Variants in ATXN2 observed in about 807,000 individuals in gnomAD.
ATXN2 encodes the protein ataxin-2.
ATXN2 carries 37 observed loss-of-function variants against 138.6 expected under a neutral mutation model. The observed-to-expected ratio is 0.27, with a 90% CI of 0.21 to 0.35. The LOEUF (loss-of-function observed/expected upper bound fraction) is 0.35. ATXN2 is among the 10% of genes least tolerant of loss of function. ATXN2 has a pLI of 1.00. For synonymous variants in ATXN2, 549 were observed against 543.7 expected (o/e 1.01, Z -0.13); for missense variants, 1,216 against 1,480.3 (o/e 0.82, Z 2.93).
At chr12:111,562,720 C>CAAAAAAAA (rs34625134) in intron 1 of ATXN2, among the ~76,000 whole-genome samples, 3 of 55,976 alleles carry the variant, frequency 5.4e-5, no homozygotes, top group African/African-American at 1.6e-4. Context: ...AACTCCATCT[C>CAAAAAAAA]AAAAAAAAAA....
intron 17 of ATXN2, 142 bp from the exon 18 acceptor site, chr12:111,485,473 T>C: frequency 2.1e-6 from 2 of 952,402 alleles, no homozygotes; most frequent in East Asian, 2.5e-5. Flanking sequence ...AATTAGATCA[T>C]ACCCACAGCT....
chr12:111,551,759 C>T (rs1350063571), intron 5 of ATXN2, among the ~76,000 whole-genome samples: 2 of 152,182 alleles, frequency 1.3e-5, no homozygotes, highest in African/African-American at 4.8e-5. Flanking sequence ...TAAGAGATCA[C>T]AAAAACTCTA....
chr12:111,584,377 C>CAAAAAAAAAAAAAAAAAAAAA (rs58678794), intron 1 of ATXN2, among the ~76,000 whole-genome samples: 1 of 44,734 alleles, frequency 2.2e-5, no homozygotes, highest in African/African-American at 7.2e-5. Flanking sequence ...GACCCTGTCT[C>CAAAAAAAAAAAAAAAAAAAAA]AAAAAAAAAA....
chr12:111,514,043 A>C (rs1039750222), intron 10 of ATXN2, among the ~76,000 whole-genome samples: 3 of 152,152 alleles, frequency 2.0e-5, no homozygotes, highest in African/African-American at 7.2e-5. Context: ...GATACCACTA[A>C]AACATATGTA....
chr12:111,515,287 C>T (rs1879793179), intron 10 of ATXN2, among the ~76,000 whole-genome samples: 1 of 152,122 alleles, frequency 6.6e-6, no homozygotes, highest in Non-Finnish European at 1.5e-5. Context: ...TTTTAATGAA[C>T]AAATCAGATT....
Position 111,554,225 on chromosome 12 carries a change from A to AT in ATXN2, c.289-9dup. On this transcript the variant is annotated splice_polypyrimidine_tract_variant and intron_variant, in intron 2 of 24. Transcript: ENST00000673436. ...GATTCCATCAAAAGAAATCTGGAAT[A>AT]TTAAAAAAAAAAAAAACTATTAGAA... is the stretch of plus-strand genomic sequence containing the variant. 1 of 1,353,246 alleles carries AT rather than the reference A, an allele frequency of 7.4e-7. No homozygotes were observed. The allele number at this position is 1,353,246 out of a possible 1,614,324, so 83.8% of individuals were successfully genotyped here.
At chr12:111,517,505 T>C (rs1879920353) in intron 9 of ATXN2, among the ~76,000 whole-genome samples, 2 of 152,192 alleles carry the variant, frequency 1.3e-5, no homozygotes, top group South Asian at 4.1e-4. Flanking sequence ...CCCACAAAGT[T>C]AGTAACATAC....
intron 1 of ATXN2, among the ~76,000 whole-genome samples, chr12:111,580,657 G>C (rs534119132): frequency 8.4e-6 from 1 of 119,508 alleles, no homozygotes; most frequent in East Asian, 3.1e-4. Context: ...AGGGGAGGGG[G>C]AGAGAGAAGG....
At chr12:111,596,264 A>G (rs1184687786) in intron 1 of ATXN2, among the ~76,000 whole-genome samples, 1 of 151,220 alleles carries the variant, frequency 6.6e-6, no homozygotes, top group Non-Finnish European at 1.5e-5. Context: ...ATTACAGTAA[A>G]ATTATGTTCT....
At chr12:111,576,866 G>T (rs569581081) in intron 1 of ATXN2, among the ~76,000 whole-genome samples, 1 of 151,890 alleles carries the variant, frequency 6.6e-6, no homozygotes, top group Non-Finnish European at 1.5e-5. Context: ...GCTGAGGCAG[G>T]AGAATGGCAT....
At chr12:111,589,910 A>C (rs529648493) in intron 1 of ATXN2, among the ~76,000 whole-genome samples, 1 of 151,642 alleles carries the variant, frequency 6.6e-6, no homozygotes, top group East Asian at 2.0e-4. Context: ...CAGAGCTAGA[A>C]CCTGTCTCAA....
At chr12:111,522,857 T>C (rs1366371435) in intron 6 of ATXN2, among the ~76,000 whole-genome samples, 1 of 151,928 alleles carries the variant, frequency 6.6e-6, no homozygotes, top group Non-Finnish European at 1.5e-5. Context: ...GAGGTTTCAG[T>C]GAGCCAAGAT....
chr12:111,524,052 G>C (rs1182140387), intron 6 of ATXN2, among the ~76,000 whole-genome samples: 1 of 152,200 alleles, frequency 6.6e-6, no homozygotes, highest in Admixed American at 6.5e-5. Flanking sequence ...TCTCCAGAAA[G>C]ACTCTATCAA....
rs1344372796 is a variant in ATXN2, at chr12:111,598,417, C to T, written c.251+367G>A. 8 of 985,678 alleles carry T rather than the reference C, an allele frequency of 8.1e-6. No individual in the cohort carries two copies. The highest frequency in any genetic ancestry group is 1.0e-3 in the Middle Eastern group (2 of 1,918). The allele number at this position is 985,678 out of a possible 1,614,324, so 61.1% of individuals were successfully genotyped here. A position where few individuals can be genotyped will look rare whatever the true frequency, so the allele number is the denominator to read the frequency against. Reference sequence around the variant, plus strand: ...CCTAAACCGGGAGTGGAGGAGCTGCCCGAGCATCCCCACGCTGCGGGCGGA... The same window carrying T: ...CCTAAACCGGGAGTGGAGGAGCTGCTCGAGCATCCCCACGCTGCGGGCGGA... On this transcript the variant is annotated intron_variant, in intron 1 of 24. Coordinates refer to ENST00000673436, the MANE Select transcript of ATXN2 (RefSeq NM_001372574.1). The surrounding 1 kb of genome is among the most constrained non-coding windows in gnomAD (Gnocchi z 4.5).
chr12:111,576,636 G>A (rs1321653768), intron 1 of ATXN2, among the ~76,000 whole-genome samples: 2 of 151,624 alleles, frequency 1.3e-5, no homozygotes, highest in Non-Finnish European at 2.9e-5. Flanking sequence ...GATGAGCCAC[G>A]CACAAATGGC....
At chr12:111,558,074 T>C (rs1882482583) in intron 1 of ATXN2, among the ~76,000 whole-genome samples, 1 of 152,188 alleles carries the variant, frequency 6.6e-6, no homozygotes, top group African/African-American at 2.4e-5. Context: ...CCATGGAGTT[T>C]ACTCAAAAGA....
In ATXN2 at chr12:111,470,066, A is replaced by C. The variant is rs374471595; in HGVS notation, c.2842+42T>G. The stretch of plus-strand genomic sequence containing the variant: ...ATGTTTTCAGAAACTTAAATTAAGA[A>C]GAGTCACACACACTGGAAGAGACAA... On this transcript the variant is annotated intron_variant, in intron 20 of 24. Coordinates refer to ENST00000673436, the MANE Select transcript of ATXN2 (RefSeq NM_001372574.1). 1.5e-5 allele frequency: 24 copies of C among 1,554,338 alleles called. No homozygotes were observed. The African/African-American group carries it at 3.1e-4, about 20-fold the overall frequency.
chr12:111,556,286 G>A (rs1346027986), intron 1 of ATXN2, among the ~76,000 whole-genome samples: 1 of 152,182 alleles, frequency 6.6e-6, no homozygotes, highest in Non-Finnish European at 1.5e-5. Context: ...GGCTGAGGCA[G>A]GATCACCAGA....
chr12:111,489,954 G>C (rs1877908826), intron 14 of ATXN2, among the ~76,000 whole-genome samples: 1 of 151,852 alleles, frequency 6.6e-6, no homozygotes, highest in Non-Finnish European at 1.5e-5. Context: ...TATCATCCTA[G>C]CACTTTGGGA....
Sources: allele counts gnomAD v4.1 joint callset (sites outside exome capture counted in the v4.1 genomes callset), GRCh38; gene constraint gnomAD v4.1.1; non-coding constraint Gnocchi (gnomAD v3.1); transcripts MANE v1.5; gene names NCBI Gene and HGNC (gene_info 2026-07-23, HGNC 2026-07-21).